SUN1: variants seen among roughly 807,000 people sequenced by gnomAD.
SUN1 encodes Sad1 and UNC84 domain containing 1, also known as SUN domain-containing protein 1.
Under a neutral mutation model 103.2 loss-of-function variants are expected in SUN1, and 61 were observed. The observed-to-expected ratio is 0.59, with a 90% CI of 0.48 to 0.73. The LOEUF (loss-of-function observed/expected upper bound fraction) is 0.73. Among genes scored for constraint, SUN1 ranks in the 30% least tolerant of loss-of-function variants. The pLI is 0.00. For synonymous variants in SUN1, 490 were observed against 425.7 expected (o/e 1.15, Z -1.86); for missense variants, 1,052 against 1,034.6 (o/e 1.02, Z -0.23).
At chr7:823,815 C>T (rs7795623) in intron 1 of SUN1, among the ~76,000 whole-genome samples, 5,714 of 152,130 alleles carry the variant, frequency 0.038, 121 homozygotes, top group Non-Finnish European at 0.048. Context: ...GGGCACGCGC[C>T]CTGGGGAGGG....
intron 12 of SUN1, 69 bp downstream of exon 12, chr7:856,470 G>C (rs1827415767): frequency 6.3e-7 from 1 of 1,586,544 alleles, no homozygotes. Context: ...AGCGGCAGCA[G>C]AGTGATGAAT....
intron 10 of SUN1, among the ~76,000 whole-genome samples, chr7:854,394 A>T (rs1043132342): frequency 1.3e-5 from 2 of 152,254 alleles, no homozygotes; most frequent in African/African-American, 2.4e-5. Flanking sequence ...ATGGCCGTGT[A>T]CATTTATGTT....
intron 16 of SUN1, among the ~76,000 whole-genome samples, chr7:867,537 C>T (rs1402678021): frequency 6.6e-6 from 1 of 152,138 alleles, no homozygotes; most frequent in African/African-American, 2.4e-5. Context: ...GAGAGCACAG[C>T]ATGGCTTCAG....
upstream of SUN1, among the ~76,000 whole-genome samples, chr7:827,937 TCTCA>T (rs1260937318): frequency 4.6e-5 from 7 of 152,214 alleles, no homozygotes; most frequent in African/African-American, 1.7e-4. Context: ...TGAGACAGAG[TCTCA>T]CTCTGTCACA....
In SUN1 at chr7:874,256, C is replaced by T. The variant is rs1843260668; in HGVS notation, c.*925C>T. 2 of 152,600 alleles carry T rather than the reference C, an allele frequency of 1.3e-5. No homozygotes were observed. The highest frequency in any genetic ancestry group is 1.3e-4 in the Admixed American group (2 of 15,282). 9.5% of individuals were successfully genotyped at this position (152,600 alleles called of 1,614,324 possible). A position where few individuals can be genotyped will look rare whatever the true frequency, so the allele number is the denominator to read the frequency against. On this transcript the variant is annotated 3_prime_UTR_variant, in exon 19 of 19. Coordinates refer to ENST00000401592, the MANE Select transcript of SUN1 (RefSeq NM_001130965.3). ...CATTTCAGGACGATCCTTTTTCCTT[C>T]AGCAGCATTTCTTACTGGCTGTGGC...
At chr7:861,271 T>C in intron 14 of SUN1, 109 bp from the exon 15 acceptor site, 5 of 1,098,728 alleles carry the variant, frequency 4.6e-6, no homozygotes, top group Non-Finnish European at 5.5e-6. Context: ...ATAGTTTCCG[T>C]TGAGAAGATG....
At chr7:854,002 G>A (rs976790398) in intron 10 of SUN1, among the ~76,000 whole-genome samples, 1 of 151,252 alleles carries the variant, frequency 6.6e-6, no homozygotes, top group African/African-American at 2.5e-5. Flanking sequence ...ACCGTCTCGT[G>A]TGGGTCCCAG....
At chr7:837,698 C>A (rs1804795483) in intron 1 of SUN1, among the ~76,000 whole-genome samples, 1 of 152,218 alleles carries the variant, frequency 6.6e-6, no homozygotes, top group South Asian at 2.1e-4. Flanking sequence ...CGATAGCCTA[C>A]TGGGCTGTGT....
intron 5 of SUN1, among the ~76,000 whole-genome samples, chr7:847,512 T>C (rs1817338125): frequency 1.3e-5 from 1 of 79,872 alleles, no homozygotes; most frequent in Non-Finnish European, 2.5e-5. Flanking sequence ...GCCAGCGGAG[T>C]TGGCGGCCTT....
At chr7:856,676 C>T (rs1827710283) in intron 12 of SUN1, among the ~76,000 whole-genome samples, 1 of 152,324 alleles carries the variant, frequency 6.6e-6, no homozygotes, top group South Asian at 2.1e-4. Context: ...CGGAGGGCTT[C>T]ATCTCCAGGG....
intron 5 of SUN1, among the ~76,000 whole-genome samples, chr7:848,020 G>T (rs1269584069): frequency 6.7e-6 from 1 of 150,356 alleles, no homozygotes; most frequent in African/African-American, 2.5e-5. Context: ...TCCCCTGGGG[G>T]TTACTCTGCA....
intron 1 of SUN1, among the ~76,000 whole-genome samples, chr7:827,466 G>GT (rs35772182): frequency 0.057 from 7,631 of 133,106 alleles, 355 homozygotes; most frequent in East Asian, 0.15. Context: ...TCTAAAGTCC[G>GT]TTTTTTTTTT....
intron 3 of SUN1, 117 bp downstream of exon 3, chr7:842,247 A>G: frequency 3.5e-6 from 4 of 1,149,724 alleles, no homozygotes; most frequent in Non-Finnish European, 4.8e-6. Flanking sequence ...TGCTAGGGAG[A>G]GGGAGGCTGT....
intron 1 of SUN1, chr7:817,565 A>AT (rs1271288650): frequency 1.4e-5 from 21 of 1,522,178 alleles, no homozygotes; most frequent in Middle Eastern, 1.7e-4. Context: ...TCTGGCTCTG[A>AT]TTCCGGGTGG....
chr7:842,888 G>T, intron 3 of SUN1: 1 of 507,692 alleles, frequency 2.0e-6, no homozygotes, highest in Non-Finnish European at 3.6e-6. Flanking sequence ...TGCTGCTGAG[G>T]CTTGTGCCTT....
At chr7:846,690 A>G (rs1008639309) in intron 5 of SUN1, among the ~76,000 whole-genome samples, 2 of 152,076 alleles carry the variant, frequency 1.3e-5, no homozygotes, top group African/African-American at 4.8e-5. Context: ...AGCCTGGGCA[A>G]CATAGCAAGA....
chr7:846,229 C>T (rs1389388673), intron 5 of SUN1, among the ~76,000 whole-genome samples: 2 of 152,026 alleles, frequency 1.3e-5, no homozygotes, highest in Non-Finnish European at 2.9e-5. Context: ...CTGCCTCAGC[C>T]TCCTGAGTAG....
intron 6 of SUN1, 121 bp from the exon 7 acceptor site, chr7:851,829 C>A: frequency 3.8e-6 from 4 of 1,043,748 alleles, no homozygotes; most frequent in Non-Finnish European, 5.7e-6. Flanking sequence ...CATCACCGAA[C>A]TTCTTCACCT....
At chr7:816,503 A>G, upstream of SUN1, 2 of 274,224 alleles carry the variant, frequency 7.3e-6, no homozygotes, top group South Asian at 2.6e-5. Flanking sequence ...CGCGGCCCGT[A>G]GCCGCCTCGT....
Sources: allele counts gnomAD v4.1 joint callset (sites outside exome capture counted in the v4.1 genomes callset), GRCh38; gene constraint gnomAD v4.1.1; transcripts MANE v1.5; gene names NCBI Gene and HGNC (gene_info 2026-07-23, HGNC 2026-07-21).